Variants in CPD observed in about 807,000 individuals in gnomAD.
The protein encoded by CPD is carboxypeptidase D.
In CPD, 69 loss-of-function variants were observed where a neutral mutation model predicts 138.3. The ratio of observed to expected loss-of-function variants is 0.50; its 90% CI spans 0.41 to 0.61. The LOEUF is 0.61. CPD is among the 20% of genes least tolerant of loss of function. The pLI, the probability that CPD is intolerant of heterozygous loss-of-function variation, is 0.00. For missense variants in CPD, 1,432 were observed against 1,733.3 expected (o/e 0.83, Z 3.09); for synonymous variants, 651 against 642.1 (o/e 1.01, Z -0.21).
chr17:30,401,338 C>G (rs1911658286), intron 2 of CPD, among the ~76,000 whole-genome samples: 1 of 150,938 alleles, frequency 6.6e-6, no homozygotes, highest in Non-Finnish European at 1.5e-5. Context: ...TCCTCTTCCT[C>G]TTCTTCCTCC....
At chr17:30,445,192 C>T (rs1440796649) in intron 11 of CPD, among the ~76,000 whole-genome samples, 1 of 152,198 alleles carries the variant, frequency 6.6e-6, no homozygotes, top group East Asian at 1.9e-4. Context: ...AGGCCAGGTG[C>T]GGTGGCTCAG....
At chr17:30,392,160 C>T (rs1313847940) in intron 2 of CPD, among the ~76,000 whole-genome samples, 1 of 151,968 alleles carries the variant, frequency 6.6e-6, no homozygotes, top group Non-Finnish European at 1.5e-5. Context: ...CAAGCATGCA[C>T]CACTACGCCT....
At chr17:30,380,690 C>G in intron 1 of CPD, 1 of 1,320,406 alleles carries the variant, frequency 7.6e-7, no homozygotes, top group Non-Finnish European at 1.0e-6. Context: ...TTCCCACTGG[C>G]AAGATGTGTG....
Position 30,466,334 on chromosome 17 carries a change from T to C in CPD, c.*1520T>C, listed in dbSNP as rs1046079597. 1 of 152,570 alleles carries C rather than the reference T, an allele frequency of 6.6e-6. No homozygotes were observed. The highest frequency in any genetic ancestry group is 2.4e-5 in the African/African-American group (1 of 41,436). 9.5% of individuals were successfully genotyped at this position (152,570 alleles called of 1,614,324 possible). On this transcript the variant is annotated 3_prime_UTR_variant, in exon 21 of 21. Coordinates refer to ENST00000225719, the MANE Select transcript of CPD (RefSeq NM_001304.5). Reference sequence around the variant, plus strand: ...ATCCCAAAGCCTTCAGGTGGAGGGGTTTACCACCTTCCTAGGTCGTTCAAC... The same window carrying C: ...ATCCCAAAGCCTTCAGGTGGAGGGGCTTACCACCTTCCTAGGTCGTTCAAC...
chr17:30,415,662 G>T (rs183327487), intron 2 of CPD, among the ~76,000 whole-genome samples: 272 of 152,194 alleles, frequency 1.8e-3, no homozygotes, highest in African/African-American at 6.3e-3. Context: ...TTGAAAAGAT[G>T]CTCTACATCA....
In CPD at chr17:30,378,945, C is replaced by A; in HGVS notation, c.-36C>A. On this transcript the variant is annotated 5_prime_UTR_variant, in exon 1 of 21. Coordinates refer to ENST00000225719, the MANE Select transcript of CPD (RefSeq NM_001304.5). ...CCCCGCCGCCCGGAGCGCTGAGCCG[C>A]GGGAGCGGAGCCGGGGTTAGCGGCG... 1 of 1,423,034 alleles carries A rather than the reference C, an allele frequency of 7.0e-7. No individual in the cohort carries two copies. The highest frequency in any genetic ancestry group is 9.1e-7 in the Non-Finnish European group (1 of 1,102,586). The allele number at this position is 1,423,034 out of a possible 1,614,324, so 88.2% of individuals were successfully genotyped here.
chr17:30,451,664 G>T, intron 13 of CPD, 47 bp from the exon 14 acceptor site: 1 of 1,584,982 alleles, frequency 6.3e-7, no homozygotes, highest in Non-Finnish European at 8.6e-7. Context: ...GGTACCCATT[G>T]ATTCTACATG....
Position 30,467,779 on chromosome 17 carries a change from T to C in CPD, c.*2965T>C, listed in dbSNP as rs1913683044. ...ATTTCCATTTATTCTCAACATTAAA[T>C]AGTTTTATCTTGTTGTTGCCAGAAA... is the stretch of plus-strand genomic sequence containing the variant. On this transcript the variant is annotated 3_prime_UTR_variant, in exon 21 of 21. Transcript: ENST00000225719. 6.6e-6 allele frequency: 1 copy of C among 152,172 alleles called. No individual in the cohort carries two copies. The highest frequency in any genetic ancestry group is 6.5e-5 in the Admixed American group (1 of 15,276). 9.4% of individuals were successfully genotyped at this position (152,172 alleles called of 1,614,324 possible). A position where few individuals can be genotyped will look rare whatever the true frequency, so the allele number is the denominator to read the frequency against.
rs533808073 is a variant in CPD at position 30,468,538 on chromosome 17, T to C, written c.*3724T>C. On this transcript the variant is annotated 3_prime_UTR_variant, in exon 21 of 21. Transcript: ENST00000225719. Reference sequence around the variant, plus strand: ...TGCACTGTGCCTTCAAAATGAAATTTTTAAAAGGGACTTTAAATGAAGTTG... The same window carrying C: ...TGCACTGTGCCTTCAAAATGAAATTCTTAAAAGGGACTTTAAATGAAGTTG... 6.5e-6 allele frequency: 1 copy of C among 152,708 alleles called. No homozygotes were observed. Among genetic ancestry groups the C allele is most frequent in the South Asian group, 2.1e-4 (1 of 4,820 alleles). 9.5% of individuals were successfully genotyped at this position (152,708 alleles called of 1,614,324 possible).
At position 30,445,761 on chromosome 17, in the gene CPD, C is replaced by T; in HGVS notation, c.2614C>T (p.Arg872Ter). 4 of 1,613,672 alleles carry T rather than the reference C, an allele frequency of 2.5e-6. No individual in the cohort carries two copies. Among genetic ancestry groups the T allele is most frequent in the African/African-American group, 1.3e-5 (1 of 74,990 alleles). Reference sequence around the variant, plus strand: ...TATTCAGGTCAACTTCACACTTGTTCGATCCTCAACAGATTCAAACAATGA... The same window carrying T: ...TATTCAGGTCAACTTCACACTTGTTTGATCCTCAACAGATTCAAACAATGA... Reference protein sequence around the residue: ...GAIQVNFTLVRSSTDSNNESK... With the variant: ...GAIQVNFTLV The change falls in exon 12 of 21, where the codon CGA becomes TGA. Residue 872 changes from arginine to a stop codon, truncating the protein, a stop_gained. Transcript: ENST00000225719. LOFTEE classifies it high-confidence loss of function.
At position 30,469,058 on chromosome 17, in the gene CPD, G is replaced by A. The variant is rs1913719281; in HGVS notation, c.*4244G>A. ...CCAGGTGAGGCCCAGTTAGAATAAT[G>A]TGTCCCGGCACTTTTAGGCACAGCA... On this transcript the variant is annotated 3_prime_UTR_variant, in exon 21 of 21. Transcript: ENST00000225719. 1 of 152,124 alleles carries A rather than the reference G, an allele frequency of 6.6e-6. No homozygotes were observed. Among genetic ancestry groups the A allele is most frequent in the African/African-American group, 2.4e-5 (1 of 41,418 alleles). The allele number at this position is 152,124 out of a possible 1,614,324, so 9.4% of individuals were successfully genotyped here.
chr17:30,452,596 G>C (rs1913194597), intron 14 of CPD, among the ~76,000 whole-genome samples: 1 of 147,274 alleles, frequency 6.8e-6, no homozygotes, highest in African/African-American at 2.5e-5. Context: ...ATGGCATCTA[G>C]TATGCCATGA....
In CPD at chr17:30,408,414, C is replaced by T. The variant is rs557859352; in HGVS notation, c.995-12427C>T. 1.5e-3 allele frequency among the ~76,000 whole-genome samples: 232 copies of T among 152,240 alleles called. 2 individuals are homozygous for T. The highest frequency in any genetic ancestry group is 2.6e-3 in the Admixed American group (39 of 15,292). ...ACCTTGGGCAGTATGGCCATTTTCA[C>T]GATATTGATTCTTCCTATCCATGAG... On this transcript the variant is annotated intron_variant, in intron 2 of 20. Transcript: ENST00000225719.
intron 2 of CPD, among the ~76,000 whole-genome samples, chr17:30,395,357 ACC>A (rs1194499687): frequency 6.6e-6 from 1 of 152,152 alleles, no homozygotes; most frequent in African/African-American, 2.4e-5. Context: ...TTTTGGTCTT[ACC>A]TGATCTTGCA....
intron 20 of CPD, among the ~76,000 whole-genome samples, chr17:30,463,176 A>G (rs112120709): frequency 6.6e-5 from 10 of 152,260 alleles, no homozygotes; most frequent in African/African-American, 2.2e-4. Context: ...CTCTTTCTTC[A>G]GGTCTATACT....
chr17:30,399,561 CT>C, intron 2 of CPD, among the ~76,000 whole-genome samples: 1 of 152,192 alleles, frequency 6.6e-6, no homozygotes, highest in South Asian at 2.1e-4. Context: ...TGTAATGTCC[CT>C]CTTTATCTCT....
chr17:30,395,569 T>A (rs1343514941), intron 2 of CPD, among the ~76,000 whole-genome samples: 1 of 152,112 alleles, frequency 6.6e-6, no homozygotes, highest in Admixed American at 6.5e-5. Flanking sequence ...AGTTGTGTAC[T>A]TTGTAACGTG....
In CPD at chr17:30,469,412, G is replaced by A. The variant is rs1271337752; in HGVS notation, c.*4598G>A. ...TCTCTGAGCCTCAGTTTCTCTACTG[G>A]TTGAATAATCCTTGATAGGATTGCA... is the stretch of plus-strand genomic sequence containing the variant. On this transcript the variant is annotated 3_prime_UTR_variant, in exon 21 of 21. Coordinates refer to ENST00000225719, the MANE Select transcript of CPD (RefSeq NM_001304.5). 6.6e-6 allele frequency: 1 copy of A among 152,168 alleles called. No individual in the cohort carries two copies. Among genetic ancestry groups the A allele is most frequent in the Non-Finnish European group, 1.5e-5 (1 of 68,042 alleles). 9.4% of individuals were successfully genotyped at this position (152,168 alleles called of 1,614,324 possible).
intron 10 of CPD, among the ~76,000 whole-genome samples, chr17:30,443,531 T>C (rs1912936582): frequency 1.3e-5 from 2 of 152,232 alleles, no homozygotes; most frequent in Admixed American, 1.3e-4. Flanking sequence ...TGTTTTCTTG[T>C]AGAATGTCAT....
Sources: allele counts gnomAD v4.1 joint callset (sites outside exome capture counted in the v4.1 genomes callset), GRCh38; gene constraint gnomAD v4.1.1; transcripts MANE v1.5; gene names NCBI Gene and HGNC (gene_info 2026-07-23, HGNC 2026-07-21).